Variants in TNS1 observed in about 807,000 individuals in gnomAD.
TNS1 encodes tensin 1.
In TNS1, 62 loss-of-function variants were observed where a neutral mutation model predicts 168.6. The observed-to-expected ratio is 0.37, with a 90% CI of 0.30 to 0.45. TNS1 has a LOEUF of 0.45. Ranked by LOEUF, TNS1 falls within the 20% of genes least tolerant of loss-of-function variation. TNS1 has a pLI of 1.00. For missense variants in TNS1, 2,240 were observed against 2,339.4 expected (o/e 0.96, Z 0.88); for synonymous variants, 934 against 933.2 (o/e 1.00, Z -0.02).
In TNS1 at chr2:217,859,267, A is replaced by AT. The variant is rs549843660; in HGVS notation, c.1430-10181dup. 755 of 244,762 alleles carry AT rather than the reference A, an allele frequency of 3.1e-3. 5 individuals are homozygous for AT. Among genetic ancestry groups the AT allele is most frequent in the Admixed American group, 0.011 (215 of 18,882 alleles). The allele number at this position is 244,762 out of a possible 1,614,324, so 15.2% of individuals were successfully genotyped here. On this transcript the variant is annotated intron_variant, in intron 18 of 32. Coordinates refer to ENST00000682258, the MANE Select transcript of TNS1 (RefSeq NM_001387777.1). Reference sequence around the variant, plus strand: ...AGATTTATTTCCCCAAATTTTCCACATTTTTTTTCCATTCTCAGCAAATGG... The same window carrying AT: ...AGATTTATTTCCCCAAATTTTCCACATTTTTTTTTCCATTCTCAGCAAATGG...
In TNS1 at chr2:217,955,220, C is replaced by T. The variant is rs886845788; in HGVS notation, c.186+23545G>A. 8.5e-5 allele frequency among the ~76,000 whole-genome samples: 13 copies of T among 152,322 alleles called. No individual in the cohort carries two copies. In the South Asian group the frequency reaches 2.7e-3, roughly 32 times the overall value. Reference sequence around the variant, plus strand: ...GTCTCACCCCCGTGGGTTCCACGCCCGCAGTGCCAACTGGGAGGAACTGCA... The same window carrying T: ...GTCTCACCCCCGTGGGTTCCACGCCTGCAGTGCCAACTGGGAGGAACTGCA... On this transcript the variant is annotated intron_variant, in intron 3 of 32. Transcript: ENST00000682258.
chr2:217,804,354 A>G lies in TNS1; in HGVS notation c.*105T>C. The G allele has an allele frequency of 7.5e-6, 11 of 1,461,460 alleles. No homozygotes were observed. The highest frequency in any genetic ancestry group is 8.4e-6 in the Non-Finnish European group (9 of 1,077,588). 90.5% of individuals were successfully genotyped at this position (1,461,460 alleles called of 1,614,324 possible). A position where few individuals can be genotyped will look rare whatever the true frequency, so the allele number is the denominator to read the frequency against. ...GTTGCACTTTCTTCTCTCCTCCGAA[A>G]TTGGCCCAAAGTCCTCCTTCTGGGT... On this transcript the variant is annotated 3_prime_UTR_variant, in exon 33 of 33. Coordinates refer to ENST00000682258, the MANE Select transcript of TNS1 (RefSeq NM_001387777.1).
In TNS1 at chr2:217,848,337, T is replaced by A; in HGVS notation, c.2180A>T (p.Gln727Leu). The change falls in exon 19 of 33, where the codon CAG becomes CTG. Residue 727 changes from glutamine (Q) to leucine (L), a missense_variant. Coordinates refer to ENST00000682258, the MANE Select transcript of TNS1 (RefSeq NM_001387777.1). ...QREGPHPAWP[Q>L]PVTTSHYAHD... is the part of the protein sequence containing the mutation. ...GGCATAGTGGGAGGTGGTCACTGGC[T>A]GTGGCCAGGCTGGGTGGGGCCCCTC... 6.5e-7 allele frequency: 1 copy of A among 1,538,746 alleles called. No individual in the cohort carries two copies. The highest frequency in any genetic ancestry group is 8.8e-7 in the Non-Finnish European group (1 of 1,141,026).
chr2:217,811,794 G>T (rs764020137), intron 28 of TNS1, among the ~76,000 whole-genome samples: 14 of 152,176 alleles, frequency 9.2e-5, no homozygotes, highest in Non-Finnish European at 1.9e-4. Context: ...TTCTCATCCT[G>T]CATGTCCTCA....
intron 3 of TNS1, among the ~76,000 whole-genome samples, chr2:217,936,194 G>GTTCA (rs201770583): frequency 3.9e-5 from 6 of 152,196 alleles, no homozygotes; most frequent in Admixed American, 1.3e-4. Flanking sequence ...ACTCCTGTTC[G>GTTCA]TTCATTCATT....
At chr2:218,004,066 T>G (rs934956539), upstream of TNS1, among the ~76,000 whole-genome samples, 1 of 152,220 alleles carries the variant, frequency 6.6e-6, no homozygotes, top group Admixed American at 6.5e-5. Context: ...CTCTTTGAGC[T>G]CTGGCCTTGG....
At chr2:217,931,172 C>G (rs1956302778) in intron 3 of TNS1, among the ~76,000 whole-genome samples, 1 of 152,074 alleles carries the variant, frequency 6.6e-6, no homozygotes, top group Non-Finnish European at 1.5e-5. Context: ...TAAAACAGCC[C>G]CAGTAATGCT....
intron 32 of TNS1, among the ~76,000 whole-genome samples, chr2:217,805,028 G>A (rs1462912375): frequency 6.8e-6 from 1 of 147,240 alleles, no homozygotes; most frequent in Admixed American, 6.7e-5. Context: ...GCCTGCAAAC[G>A]GCTCAGCCTC....
intron 3 of TNS1, among the ~76,000 whole-genome samples, chr2:217,958,389 T>C (rs1022140124): frequency 2.6e-5 from 4 of 152,156 alleles, no homozygotes; most frequent in Non-Finnish European, 4.4e-5. Context: ...TCCCAAACCG[T>C]CGTCTGCATC....
chr2:217,969,683 TCAA>T (rs1957731443), intron 3 of TNS1, among the ~76,000 whole-genome samples: 1 of 152,094 alleles, frequency 6.6e-6, no homozygotes, highest in African/African-American at 2.4e-5. Context: ...GAAAAGACAC[TCAA>T]CATCATTACT....
chr2:217,816,517 G>T (rs953154447), intron 24 of TNS1, among the ~76,000 whole-genome samples: 1 of 152,168 alleles, frequency 6.6e-6, no homozygotes, highest in Non-Finnish European at 1.5e-5. Flanking sequence ...AAGGTCTCTG[G>T]GTTAGGCAGC....
At position 217,882,359 on chromosome 2, in the gene TNS1, T is replaced by C. The variant is rs578187113; in HGVS notation, c.1299A>G (p.Pro433=). 22 of 1,604,302 alleles carry C rather than the reference T, an allele frequency of 1.4e-5. No individual in the cohort carries two copies. Among genetic ancestry groups the C allele is most frequent in the South Asian group, 1.4e-4 (12 of 88,686 alleles). Residue 433 remains proline, a synonymous_variant, in exon 17 of 33, where the codon CCA becomes CCG. Transcript: ENST00000682258. Reference sequence around the variant, plus strand: ...CTCGGCTTATACCTTGAATTTTCTCTGGCCCATAAGAAAATACAAACTCCA... The same window carrying C: ...CTCGGCTTATACCTTGAATTTTCTCCGGCCCATAAGAAAATACAAACTCCA... ...GKVEFVFSYG[P]EKIQGMEHLE...
intron 3 of TNS1, among the ~76,000 whole-genome samples, chr2:217,976,332 T>A (rs566498135): frequency 6.6e-6 from 1 of 152,186 alleles, no homozygotes; most frequent in Non-Finnish European, 1.5e-5. Flanking sequence ...TTGACGAGGC[T>A]ATAAAATCCA....
intron 18 of TNS1, among the ~76,000 whole-genome samples, chr2:217,861,449 G>A (rs1302098084): frequency 6.6e-6 from 1 of 152,186 alleles, no homozygotes. Context: ...CAGCCCATGT[G>A]GGCGCTCTGA....
chr2:217,950,957 G>A (rs1292806607), intron 3 of TNS1, among the ~76,000 whole-genome samples: 1 of 151,950 alleles, frequency 6.6e-6, no homozygotes, highest in African/African-American at 2.4e-5. Context: ...ACCCTCCTCC[G>A]CTCCCTAGAG....
rs1488075249 is a variant in TNS1 at position 217,810,281 on chromosome 2, T to C, written c.5071A>G (p.Asn1691Asp). ...DESKDSSGPA[N>D]STADLLKQGA... is the part of the protein sequence containing the mutation. Reference sequence around the variant, plus strand: ...TGTTTCAGCAGGTCTGCAGTTGAGTTGGCAGGGCCGGAGCTATCTTTCGAT... The same window carrying C: ...TGTTTCAGCAGGTCTGCAGTTGAGTCGGCAGGGCCGGAGCTATCTTTCGAT... Residue 1691 changes from asparagine to aspartate, a missense_variant, in exon 29 of 33, where the codon AAC (asparagine) becomes GAC (aspartate). This residue lies in a region of TNS1 where 2,131 missense variants were observed against 2,171.2 expected (regional missense o/e 0.98). Transcript: ENST00000682258. The C allele has an allele frequency of 6.2e-7, 1 of 1,614,164 alleles. No individual in the cohort carries two copies. The highest frequency in any genetic ancestry group is 1.7e-5 in the Admixed American group (1 of 60,024).
At chr2:218,010,660 G>T (rs1958698104), upstream of TNS1, among the ~76,000 whole-genome samples, 1 of 146,044 alleles carries the variant, frequency 6.8e-6, no homozygotes, top group Non-Finnish European at 1.5e-5. Flanking sequence ...GCGTCCACCT[G>T]CGAGGAAGGA....
chr2:218,004,190 C>G (rs1174010103), upstream of TNS1, among the ~76,000 whole-genome samples: 1 of 152,256 alleles, frequency 6.6e-6, no homozygotes. Context: ...CACACACACA[C>G]ACAAGGACAC....
intron 21 of TNS1, among the ~76,000 whole-genome samples, chr2:217,833,314 G>A (rs1944713542): frequency 1.3e-5 from 2 of 152,178 alleles, no homozygotes; most frequent in Non-Finnish European, 2.9e-5. Flanking sequence ...TGGGCAATTG[G>A]GCCCTTCTGC....
Sources: allele counts gnomAD v4.1 joint callset (sites outside exome capture counted in the v4.1 genomes callset), GRCh38; gene constraint gnomAD v4.1.1; regional missense constraint gnomAD v4.1.1; transcripts MANE v1.5; gene names NCBI Gene and HGNC (gene_info 2026-07-23, HGNC 2026-07-21).